Variants in PHKB observed in about 807,000 individuals in gnomAD.
PHKB encodes phosphorylase b kinase regulatory subunit beta.
In PHKB, 122 loss-of-function variants were observed where a neutral mutation model predicts 152.1. That is an observed-to-expected ratio of 0.80 (90% CI 0.69 to 0.93). The LOEUF is 0.93. Among genes scored for constraint, PHKB ranks in the 40% least tolerant of loss-of-function variants. PHKB has a pLI of 0.00. For synonymous variants in PHKB, 436 were observed against 464.9 expected (o/e 0.94, Z 0.80); for missense variants, 1,304 against 1,328.4 (o/e 0.98, Z 0.29).
rs5816579 is a variant in PHKB, at chr16:47,698,601, C to CTTTTTTT, written c.3144+28_3144+34dup. 50 of 731,056 alleles carry CTTTTTTT rather than the reference C, an allele frequency of 6.8e-5. No individual in the cohort carries two copies. The highest frequency in any genetic ancestry group is 5.2e-4 in the Middle Eastern group (1 of 1,908). 45.3% of individuals were successfully genotyped at this position (731,056 alleles called of 1,614,324 possible). A position where few individuals can be genotyped will look rare whatever the true frequency, so the allele number is the denominator to read the frequency against. ...AATTGAAAAACAAGTAAGTACACAG[C>CTTTTTTT]TTTTTTTTTTTTTTTTTTTTTGAGA... is the stretch of plus-strand genomic sequence containing the variant. On this transcript the variant is annotated intron_variant, in intron 30 of 30. Transcript: ENST00000323584.
chr16:47,672,851 G>A (rs948842770), intron 26 of PHKB, among the ~76,000 whole-genome samples: 1 of 152,062 alleles, frequency 6.6e-6, no homozygotes, highest in Non-Finnish European at 1.5e-5. Context: ...CATGAGAAAT[G>A]ACATACCATT....
At chr16:47,544,385 T>C (rs1254054296) in intron 6 of PHKB, among the ~76,000 whole-genome samples, 2 of 152,182 alleles carry the variant, frequency 1.3e-5, no homozygotes, top group Non-Finnish European at 2.9e-5. Flanking sequence ...AGTTTCCATG[T>C]AGTTGTGCGG....
chr16:47,679,752 A>G (rs997267377), intron 26 of PHKB, among the ~76,000 whole-genome samples: 8 of 152,222 alleles, frequency 5.3e-5, no homozygotes, highest in East Asian at 1.9e-4. Context: ...CTAATTGAAT[A>G]CCCTTTATTT....
At chr16:47,623,199 G>A (rs1972647360) in intron 14 of PHKB, among the ~76,000 whole-genome samples, 1 of 151,906 alleles carries the variant, frequency 6.6e-6, no homozygotes, top group Non-Finnish European at 1.5e-5. Context: ...TTAACCAAAT[G>A]TCTGACACAT....
intron 1 of PHKB, chr16:47,463,637 C>T: frequency 2.5e-6 from 1 of 402,990 alleles, no homozygotes; most frequent in Non-Finnish European, 4.7e-6. Flanking sequence ...TACTTCACTG[C>T]ACAACAGAGG....
chr16:47,481,791 C>G (rs1969967772), intron 1 of PHKB, among the ~76,000 whole-genome samples: 2 of 152,206 alleles, frequency 1.3e-5, no homozygotes, highest in Admixed American at 1.3e-4. Context: ...AGACCTAGCT[C>G]AGAGAGAGCC....
chr16:47,580,601 T>C (rs945790886), intron 8 of PHKB, among the ~76,000 whole-genome samples: 5 of 151,802 alleles, frequency 3.3e-5, no homozygotes, highest in African/African-American at 9.7e-5. Flanking sequence ...TAAAGAATTC[T>C]GATTTCCTTG....
intron 16 of PHKB, among the ~76,000 whole-genome samples, chr16:47,647,095 T>TTTTATTTA (rs530693202): frequency 1.5e-4 from 23 of 152,036 alleles, no homozygotes; most frequent in African/African-American, 5.1e-4. Flanking sequence ...CCCCCTCAGT[T>TTTTATTTA]TTTATTTATT....
rs1597090131 is a variant in PHKB, at chr16:47,565,780, C to T, written c.711-14515C>T. 6 of 1,494,068 alleles carry T rather than the reference C, an allele frequency of 4.0e-6. No individual in the cohort carries two copies. The East Asian group carries it at 1.1e-4, about 28-fold the overall frequency. 92.6% of individuals were successfully genotyped at this position (1,494,068 alleles called of 1,614,324 possible). A position where few individuals can be genotyped will look rare whatever the true frequency, so the allele number is the denominator to read the frequency against. On this transcript the variant is annotated intron_variant, in intron 7 of 30. Coordinates refer to ENST00000323584, the MANE Select transcript of PHKB (RefSeq NM_000293.3). The stretch of plus-strand genomic sequence containing the variant: ...TTCTCTTGTTCCTTCTGTAGCTGTT[C>T]TACTTCTCTTTCTCTAGCAGCTGTG...
At position 47,530,132 on chromosome 16, in the gene PHKB, C is replaced by CTT. The variant is rs201960518; in HGVS notation, c.594+14550_594+14551dup. On this transcript the variant is annotated intron_variant, in intron 6 of 30. Coordinates refer to ENST00000323584, the MANE Select transcript of PHKB (RefSeq NM_000293.3). ...AAGGAGATACTGATTATATAAACTC[C>CTT]TTTTTTTTTTTTTTTTTTTTCCAGA... 8.2e-3 allele frequency among the ~76,000 whole-genome samples: 1,061 copies of CTT among 129,698 alleles called. 21 individuals are homozygous for CTT. The highest frequency in any genetic ancestry group is 0.024 in the African/African-American group (866 of 35,572). The allele number at this position is 129,698 out of a possible 152,430, so 85.1% of individuals were successfully genotyped here.
chr16:47,588,961 T>G lies in PHKB; in HGVS notation c.927T>G (p.Asp309Glu), dbSNP rs1200933342. 10 of 1,613,906 alleles carry G rather than the reference T, an allele frequency of 6.2e-6. No homozygotes were observed. The Admixed American group carries it at 1.2e-4, about 19-fold the overall frequency. Reference protein sequence around the residue: ...CISYPAFALDDEVLFSQTLDK... With the variant: ...CISYPAFALDEEVLFSQTLDK... ...GTTATCCTGCATTTGCCCTGGATGA[T>G]GAAGTTCTTTTTAGCCAGACACTTG... Residue 309 changes from aspartate (D) to glutamate (E), a missense_variant, in exon 10 of 31, where the codon GAT (aspartate) becomes GAG (glutamate). By Grantham distance (45) the Asp-to-Glu change is conservative (BLOSUM62 2). Transcript: ENST00000323584.
At chr16:47,499,176 A>T (rs189864738) in intron 2 of PHKB, among the ~76,000 whole-genome samples, 58 of 152,300 alleles carry the variant, frequency 3.8e-4, no homozygotes, top group Admixed American at 2.0e-3. Context: ...ACATTTTCCT[A>T]ACCTGTACAA....
chr16:47,650,493 T>C (rs766254813), intron 18 of PHKB, 51 bp from the exon 19 acceptor site: 9 of 1,046,228 alleles, frequency 8.6e-6, no homozygotes, highest in Non-Finnish European at 1.4e-5. Context: ...TTGAGCATCC[T>C]GTTCATCTTA....
At chr16:47,629,737 C>A (rs182985159) in intron 14 of PHKB, among the ~76,000 whole-genome samples, 1 of 152,098 alleles carries the variant, frequency 6.6e-6, no homozygotes, top group Admixed American at 6.5e-5. Flanking sequence ...ATGTTTATTG[C>A]GGCATTATTC....
intron 8 of PHKB, among the ~76,000 whole-genome samples, chr16:47,581,617 T>C (rs545650483): frequency 6.6e-6 from 1 of 152,234 alleles, no homozygotes; most frequent in Non-Finnish European, 1.5e-5. Context: ...TAAAAGTTAG[T>C]TAGCATAGTG....
At chr16:47,578,252 T>C (rs920286222) in intron 7 of PHKB, among the ~76,000 whole-genome samples, 1 of 152,242 alleles carries the variant, frequency 6.6e-6, no homozygotes, top group Non-Finnish European at 1.5e-5. Context: ...AGCACTTTTA[T>C]CATGGCTGCT....
intron 6 of PHKB, among the ~76,000 whole-genome samples, chr16:47,546,549 G>C (rs751144756): frequency 5.3e-5 from 8 of 152,200 alleles, no homozygotes; most frequent in Non-Finnish European, 1.0e-4. Flanking sequence ...TCCAAGTTAG[G>C]CTACATGGGG....
intron 16 of PHKB, among the ~76,000 whole-genome samples, 176 bp downstream of exon 16, chr16:47,641,868 A>G (rs1973029297): frequency 6.6e-6 from 1 of 152,114 alleles, no homozygotes; most frequent in Non-Finnish European, 1.5e-5. Flanking sequence ...TACTAAAAAA[A>G]AAACTTTGCA....
At chr16:47,524,383 ATACTT>A (rs1232926607) in intron 6 of PHKB, among the ~76,000 whole-genome samples, 2 of 152,234 alleles carry the variant, frequency 1.3e-5, no homozygotes, top group Non-Finnish European at 2.9e-5. Flanking sequence ...CTTAAAAAAA[ATACTT>A]TAATATGCTG....
Sources: gnomAD v4.1 joint callset for allele counts (sites outside exome capture counted in the v4.1 genomes callset) on GRCh38, gnomAD v4.1.1 for gene constraint, MANE v1.5 for transcripts, NCBI Gene and HGNC (gene_info 2026-07-23, HGNC 2026-07-21) for gene names.